The following MEGF8 variants were observed in gnomAD, a reference collection of about 807,000 sequenced individuals.
MEGF8 encodes multiple EGF like domains 8.
A neutral mutation model predicts 302.9 loss-of-function variants in MEGF8; 156 were observed. The ratio of observed to expected loss-of-function variants is 0.52; its 90% confidence interval spans 0.45 to 0.59. MEGF8 has a LOEUF of 0.59. MEGF8 is among the 20% of genes least tolerant of loss of function. The pLI is 0.00. For missense variants in MEGF8, 3,345 were observed against 3,964.5 expected (o/e 0.84, Z 4.20); for synonymous variants, 1,621 against 1,660.5 (o/e 0.98, Z 0.58).
At chr19:42,362,055 A>G (rs763998638) in intron 32 of MEGF8, 35 bp from the exon 33 acceptor site, 3 of 1,607,346 alleles carry the variant, frequency 1.9e-6, no homozygotes, top group South Asian at 2.2e-5. Context: ...GGGGGTCTGG[A>G]TGGGTGTGAG....
chr19:42,349,405 G>A, intron 13 of MEGF8, 94 bp from the exon 14 acceptor site: 1 of 1,097,974 alleles, frequency 9.1e-7, no homozygotes, highest in Non-Finnish European at 1.3e-6. Context: ...CTTAGGAGGG[G>A]GTGGGGTACA....
At position 42,343,616 on chromosome 19, in the gene MEGF8, G is replaced by C; in HGVS notation, c.1653G>C (p.Gln551His). The C allele has an allele frequency of 1.9e-6, 3 of 1,609,074 alleles. No individual in the cohort carries two copies. The highest frequency in any genetic ancestry group is 2.5e-6 in the Non-Finnish European group (3 of 1,177,402). ...ACAAGGTGCCCCCCTTTGTGTTCCA[G>C]GCACCTGCCCCTGACGTGAGCACTG... ...MAYKVPPFVFQAPAPDYHLDY... is the reference protein window; with the variant it reads ...MAYKVPPFVFHAPAPDYHLDY... The change falls in exon 9 of 42, where the codon CAG (glutamine) becomes CAC (histidine). Residue 551 changes from glutamine to histidine, a missense_variant. Gln to His is a conservative substitution (Grantham distance 24). Transcript: ENST00000251268.
chr19:42,353,406 G>T lies in MEGF8; in HGVS notation c.3551-59G>T. 6.4e-7 allele frequency: 1 copy of T among 1,560,050 alleles called. No individual in the cohort carries two copies. Among genetic ancestry groups the T allele is most frequent in the Non-Finnish European group, 8.7e-7 (1 of 1,149,714 alleles). Reference sequence around the variant, plus strand: ...GGGTCAGGGTTTAGCTGAGCCAGTAGGCCTGGGCCTGTTTCCACCCTTGAC... The same window carrying T: ...GGGTCAGGGTTTAGCTGAGCCAGTATGCCTGGGCCTGTTTCCACCCTTGAC... On this transcript the variant is annotated intron_variant, in intron 20 of 41. Transcript: ENST00000251268. The surrounding 1 kb of genome is among the most constrained non-coding windows in gnomAD (Gnocchi z 6.1).
chr19:42,366,364 C>G (rs913451173), intron 35 of MEGF8, among the ~76,000 whole-genome samples: 6 of 152,126 alleles, frequency 3.9e-5, no homozygotes, highest in African/African-American at 1.4e-4. Flanking sequence ...CCACACCTGG[C>G]TAATTTTTGT....
chr19:42,337,342 G>A, intron 8 of MEGF8, 136 bp downstream of exon 8: 1 of 1,216,696 alleles, frequency 8.2e-7, no homozygotes, highest in Non-Finnish European at 1.2e-6. Flanking sequence ...TAGGAGGCAA[G>A]CCTGGGATGG....
intron 1 of MEGF8, among the ~76,000 whole-genome samples, chr19:42,332,390 G>A (rs746657631): frequency 2.6e-5 from 4 of 151,006 alleles, no homozygotes; most frequent in Non-Finnish European, 5.9e-5. Context: ...TTTTTGAGAC[G>A]AAGTCTCGCT....
At chr19:42,327,288 G>A (rs1353187227) in intron 1 of MEGF8, among the ~76,000 whole-genome samples, 1 of 152,230 alleles carries the variant, frequency 6.6e-6, no homozygotes, top group Non-Finnish European at 1.5e-5. Context: ...CCCAGACTGA[G>A]ACAGCTCCAG....
rs185198604 is a variant in MEGF8, at chr19:42,358,241, C to T, written c.5109C>T (p.Pro1703=). 198 of 1,604,856 alleles carry T rather than the reference C, an allele frequency of 1.2e-4. No individual in the cohort carries two copies. Among genetic ancestry groups the T allele is most frequent in the East Asian group, 3.6e-4 (16 of 44,440 alleles). ...RFHVELAAPS[P]ELYSLHCPDR... is the part of the protein sequence containing the mutation. The stretch of plus-strand genomic sequence containing the variant: ...ATGTGGAGCTGGCGGCCCCATCCCC[C>T]GAGCTCTACTCCCTGCACTGTCCTG... The change falls in exon 29 of 42, where the codon CCC becomes CCT. Residue 1703 remains proline, a synonymous_variant. Transcript: ENST00000251268. The surrounding 1 kb of genome is among the most constrained non-coding windows in gnomAD (Gnocchi z 4.4).
chr19:42,343,709 G>C, intron 9 of MEGF8, 78 bp downstream of exon 9: 1 of 1,472,858 alleles, frequency 6.8e-7, no homozygotes, highest in African/African-American at 1.4e-5. Flanking sequence ...GGAAAGGCAG[G>C]AGGGGATCCC....
chr19:42,352,126 C>A lies in MEGF8; in HGVS notation c.3102-82C>A. The A allele has an allele frequency of 7.1e-7, 1 of 1,414,966 alleles. No individual in the cohort carries two copies. Among genetic ancestry groups the A allele is most frequent in the Non-Finnish European group, 9.4e-7 (1 of 1,067,990 alleles). 87.7% of individuals were successfully genotyped at this position (1,414,966 alleles called of 1,614,324 possible). A position where few individuals can be genotyped will look rare whatever the true frequency, so the allele number is the denominator to read the frequency against. On this transcript the variant is annotated intron_variant, in intron 18 of 41. Coordinates refer to ENST00000251268, the MANE Select transcript of MEGF8 (RefSeq NM_001271938.2). This position sits in a 1 kb window ranked among gnomAD's most constrained non-coding sequence, Gnocchi z 4.4. Reference sequence around the variant, plus strand: ...TTTGCATCCCTCTCCTTCCAATTGGCCTCCTCTCTCCCTGTCATTGTTTCT... The same window carrying A: ...TTTGCATCCCTCTCCTTCCAATTGGACTCCTCTCTCCCTGTCATTGTTTCT...
In MEGF8 at chr19:42,375,755, C is replaced by G. The variant is rs2039757892; in HGVS notation, c.7518C>G (p.Thr2506=). 1 of 1,612,898 alleles carries G rather than the reference C, an allele frequency of 6.2e-7. No homozygotes were observed. Among genetic ancestry groups the G allele is most frequent in the African/African-American group, 1.3e-5 (1 of 74,936 alleles). ...GGGCCGTGGACCTCTATGTCTCCAC[C>G]TCCTATGACACCTTCGTGGTCCGTG... ...TFGAVDLYVS[T]SYDTFVVRVA... The change falls in exon 42 of 42, where the codon ACC becomes ACG. Residue 2506 remains threonine, a synonymous_variant. Transcript: ENST00000251268. The surrounding 1 kb of genome is among the most constrained non-coding windows in gnomAD (Gnocchi z 7.1).
intron 15 of MEGF8, among the ~76,000 whole-genome samples, chr19:42,350,665 C>T (rs1400271965): frequency 6.6e-6 from 1 of 152,166 alleles, no homozygotes; most frequent in Non-Finnish European, 1.5e-5. Flanking sequence ...GGCCTTCAGG[C>T]CTGCCACCTC....
chr19:42,335,785 C>G, intron 5 of MEGF8, 146 bp from the exon 6 acceptor site: 1 of 738,196 alleles, frequency 1.4e-6, no homozygotes, highest in Non-Finnish European at 2.1e-6. Flanking sequence ...CTTCTTTTCT[C>G]TCTCTGCCGG....
chr19:42,343,781 G>A (rs2039248066), intron 9 of MEGF8, 150 bp downstream of exon 9: 4 of 1,363,050 alleles, frequency 2.9e-6, no homozygotes, highest in East Asian at 2.5e-5. Flanking sequence ...CTGGGGCAGA[G>A]GAAAGAGGAG....
Position 42,369,143 on chromosome 19 carries a change from G to A in MEGF8, c.6641+141G>A, listed in dbSNP as rs1032922592. On this transcript the variant is annotated intron_variant, in intron 37 of 41. Transcript: ENST00000251268. This position sits in a 1 kb window ranked among gnomAD's most constrained non-coding sequence, Gnocchi z 5.7. ...GAAGGCAGTGGGATTGATTCCTGAA[G>A]GTCAAGAGTGGTGAGGCTGAGCAGG... The A allele has an allele frequency of 1.7e-6, 2 of 1,155,062 alleles. No individual in the cohort carries two copies. Among genetic ancestry groups the A allele is most frequent in the Non-Finnish European group, 2.4e-6 (2 of 837,020 alleles). 71.6% of individuals were successfully genotyped at this position (1,155,062 alleles called of 1,614,324 possible).
Position 42,352,419 on chromosome 19 carries a change from G to A in MEGF8, c.3313G>A (p.Gly1105Ser), listed in dbSNP as rs1165465895. 6.3e-7 allele frequency: 1 copy of A among 1,598,988 alleles called. No individual in the cohort carries two copies. Among genetic ancestry groups the A allele is most frequent in the African/African-American group, 1.3e-5 (1 of 74,676 alleles). ...PLSYECHCQR[G>S]YQGDGISHCN... ...CAGCTACGAGTGTCACTGCCAGCGGGGCTACCAGGGTGATGGCATCTCACA... is the reference window on the plus strand; with the variant it reads ...CAGCTACGAGTGTCACTGCCAGCGGAGCTACCAGGGTGATGGCATCTCACA... The change falls in exon 19 of 42, where the codon GGC (glycine) becomes AGC (serine). Residue 1105 changes from glycine to serine, a missense_variant. By Grantham distance (56) the Gly-to-Ser change is moderately conservative. Coordinates refer to ENST00000251268, the MANE Select transcript of MEGF8 (RefSeq NM_001271938.2). The surrounding 1 kb of genome is among the most constrained non-coding windows in gnomAD (Gnocchi z 4.4).
At chr19:42,339,851 G>A (rs1490152210) in intron 8 of MEGF8, among the ~76,000 whole-genome samples, 1 of 152,184 alleles carries the variant, frequency 6.6e-6, no homozygotes, top group Non-Finnish European at 1.5e-5. Context: ...GAGGTCAGGG[G>A]TTTGAGACCA....
At position 42,352,450 on chromosome 19, in the gene MEGF8, A is replaced by C. The variant is rs767539999; in HGVS notation, c.3344A>C (p.Asn1115Thr). Residue 1115 changes from asparagine (N) to threonine (T), a missense_variant, in exon 19 of 42, where the codon AAC (asparagine) becomes ACC (threonine). Physicochemically the swap from Asn to Thr is moderately conservative, Grantham distance 65 (BLOSUM62 0). Coordinates refer to ENST00000251268, the MANE Select transcript of MEGF8 (RefSeq NM_001271938.2). This position sits in a 1 kb window ranked among gnomAD's most constrained non-coding sequence, Gnocchi z 4.4. ...CAGGGTGATGGCATCTCACACTGCA[A>C]CCGCACGTGAGTGAGGCGGGGGTTG... is the stretch of plus-strand genomic sequence containing the variant. ...GYQGDGISHC[N>T]RTCLEDCGHG... 3.8e-6 allele frequency: 6 copies of C among 1,592,320 alleles called. No homozygotes were observed. Among genetic ancestry groups the C allele is most frequent in the Non-Finnish European group, 4.3e-6 (5 of 1,167,826 alleles).
chr19:42,340,154 G>T (rs904630578), intron 8 of MEGF8, among the ~76,000 whole-genome samples: 1 of 152,224 alleles, frequency 6.6e-6, no homozygotes, highest in Non-Finnish European at 1.5e-5. Flanking sequence ...TTGGATAGCT[G>T]TAAGAGTAAA....
Sources: gnomAD v4.1 joint callset for allele counts (sites outside exome capture counted in the v4.1 genomes callset) on GRCh38, gnomAD v4.1.1 for gene constraint, Gnocchi (gnomAD v3.1) non-coding constraint, MANE v1.5 for transcripts, NCBI Gene and HGNC (gene_info 2026-07-23, HGNC 2026-07-21) for gene names.